PCNX1: variants seen among roughly 807,000 people sequenced by gnomAD.
PCNX1 encodes the protein pecanex-like protein 1.
In PCNX1, 78 loss-of-function variants were observed where a neutral mutation model predicts 242.2. The ratio of observed to expected loss-of-function variants is 0.32; its 90% CI spans 0.27 to 0.39. The LOEUF is 0.39. PCNX1 is among the 10% of genes least tolerant of loss of function. The pLI is 1.00. For missense variants in PCNX1, 2,581 were observed against 2,856.5 expected, an observed-to-expected ratio of 0.90 and a Z score of 2.20; for synonymous variants, 1,024 against 1,032.9, an observed-to-expected ratio of 0.99 and a Z score of 0.17.
chr14:71,050,590 C>T lies in PCNX1; in HGVS notation c.4339-62C>T, dbSNP rs532992442. On this transcript the variant is annotated intron_variant, in intron 22 of 35. Transcript: ENST00000304743. ...ATACATTTTACAGGGTTTTTATTTT[C>T]TAATTCAAATATCTGATAAGTTTTT... 3.3e-5 allele frequency: 48 copies of T among 1,460,050 alleles called. No homozygotes were observed. In the East Asian group the frequency reaches 5.0e-4, roughly 15 times the overall value. The allele number at this position is 1,460,050 out of a possible 1,614,324, so 90.4% of individuals were successfully genotyped here.
chr14:70,955,402 A>G (rs891794153), intron 2 of PCNX1, among the ~76,000 whole-genome samples: 1 of 152,198 alleles, frequency 6.6e-6, no homozygotes, highest in Non-Finnish European at 1.5e-5. Flanking sequence ...ATTTTACTCC[A>G]GATTTACAAA....
intron 5 of PCNX1, among the ~76,000 whole-genome samples, chr14:70,969,619 T>C (rs1289304650): frequency 6.6e-6 from 1 of 152,210 alleles, no homozygotes; most frequent in Non-Finnish European, 1.5e-5. Context: ...TACAGTACCC[T>C]ATCATTGTTT....
At position 70,978,637 on chromosome 14, in the gene PCNX1, C is replaced by G; in HGVS notation, c.2300C>G (p.Ala767Gly). 6.2e-7 allele frequency: 1 copy of G among 1,610,262 alleles called. No homozygotes were observed. The highest frequency in any genetic ancestry group is 8.5e-7 in the Non-Finnish European group (1 of 1,178,150). ...TTTCCTGAAGGGGAAGAGCAAGATG[C>G]AGTCAGTGGAGGTAAGTAAACTGTA... ...VAFPEGEEQDAVSGAAQASEE... is the reference protein window; with the variant it reads ...VAFPEGEEQDGVSGAAQASEE... Residue 767 changes from alanine to glycine, a missense_variant, in exon 6 of 36, where the codon GCA becomes GGA. Coordinates refer to ENST00000304743, the MANE Select transcript of PCNX1 (RefSeq NM_014982.3).
At chr14:70,939,525 A>C (rs1204296122) in intron 1 of PCNX1, among the ~76,000 whole-genome samples, 1 of 152,146 alleles carries the variant, frequency 6.6e-6, no homozygotes, top group African/African-American at 2.4e-5. Context: ...GTTGTTTTAC[A>C]TTTGCTGAGG....
Position 71,057,682 on chromosome 14 carries a change from A to G in PCNX1, c.4810A>G (p.Asn1604Asp). The G allele has an allele frequency of 1.2e-6, 2 of 1,613,966 alleles. No homozygotes were observed. The highest frequency in any genetic ancestry group is 1.7e-6 in the Non-Finnish European group (2 of 1,179,884). ...NALVHLIEIG[N>D]GLVTFQLRGL... ...ATTAGTACACCTTATAGAGATAGGC[A>G]ATGGTCTGGTCACTTTTCAGCTGCG... Residue 1604 changes from asparagine (N) to aspartate (D), a missense_variant, in exon 26 of 36, where the codon AAT (asparagine) becomes GAT (aspartate). Physicochemically the swap from Asn to Asp is conservative, Grantham distance 23. Transcript: ENST00000304743.
At chr14:71,068,795 TG>T (rs1250959285) in intron 26 of PCNX1, among the ~76,000 whole-genome samples, 1 of 147,912 alleles carries the variant, frequency 6.8e-6, no homozygotes, top group African/African-American at 2.5e-5. Flanking sequence ...CATACATATA[TG>T]GATATATACA....
chr14:71,026,953 A>C (rs1328634240), intron 15 of PCNX1, 71 bp downstream of exon 15: 5 of 658,262 alleles, frequency 7.6e-6, no homozygotes. Flanking sequence ...TAAACTGACC[A>C]TTAAAATGCT....
At chr14:71,040,027 G>A (rs1341065148) in intron 19 of PCNX1, among the ~76,000 whole-genome samples, 1 of 152,000 alleles carries the variant, frequency 6.6e-6, no homozygotes, top group African/African-American at 2.4e-5. Flanking sequence ...GCCCAGGCTG[G>A]TCTAGAACTC....
At position 70,978,283 on chromosome 14, in the gene PCNX1, A is replaced by G; in HGVS notation, c.1946A>G (p.His649Arg). 1 of 1,614,150 alleles carries G rather than the reference A, an allele frequency of 6.2e-7. No individual in the cohort carries two copies. The highest frequency in any genetic ancestry group is 8.5e-7 in the Non-Finnish European group (1 of 1,180,024). The change falls in exon 6 of 36, where the codon CAT becomes CGT. Residue 649 changes from histidine (H) to arginine (R), a missense_variant. Around this residue, in one of 9 missense-constraint regions of PCNX1, gnomAD observed 1,204 missense variants for 1,216.7 expected, o/e 0.99. Transcript: ENST00000304743. Reference protein sequence around the residue: ...RYSALKTKHTHKERGTDSEHT... With the variant: ...RYSALKTKHTRKERGTDSEHT... The stretch of plus-strand genomic sequence containing the variant: ...AGTGCTCTAAAGACCAAACACACTC[A>G]TAAAGAAAGGGGCACAGACTCTGAA...
intron 30 of PCNX1, among the ~76,000 whole-genome samples, chr14:71,097,167 GTAT>G (rs2062312111): frequency 1.3e-5 from 2 of 152,130 alleles, no homozygotes; most frequent in Admixed American, 6.5e-5. Context: ...TGGCTGCGTA[GTAT>G]TCCATGGTGT....
Position 70,974,285 on chromosome 14 carries a change from C to T in PCNX1, c.605-2657C>T, listed in dbSNP as rs1159263118. Among the ~76,000 whole-genome samples, 164 of 147,066 alleles carry T rather than the reference C, an allele frequency of 1.1e-3. 4 individuals carry two copies. Among genetic ancestry groups the T allele is most frequent in the Non-Finnish European group, 3.0e-4 (20 of 67,032 alleles). On this transcript the variant is annotated intron_variant, in intron 5 of 35. Transcript: ENST00000304743. ...TTGAGAGGGAGTCTCGCTCTGTTGCCCAGGATGGAGTGTGCAGTGGTGTAT... is the reference window on the plus strand; with the variant it reads ...TTGAGAGGGAGTCTCGCTCTGTTGCTCAGGATGGAGTGTGCAGTGGTGTAT...
chr14:71,053,366 G>A lies in PCNX1; in HGVS notation c.4577+1354G>A, dbSNP rs558573755. The stretch of plus-strand genomic sequence containing the variant: ...CGACTCACTGCAACCTCCGCCTCCC[G>A]GAGTGCAATGGCGCCATCTTGATTC... On this transcript the variant is annotated intron_variant, in intron 24 of 35. Transcript: ENST00000304743. 474 of 432,670 alleles carry A rather than the reference G, an allele frequency of 1.1e-3. 2 individuals carry two copies. The highest frequency in any genetic ancestry group is 1.8e-3 in the Non-Finnish European group (388 of 219,418). The allele number at this position is 432,670 out of a possible 1,614,324, so 26.8% of individuals were successfully genotyped here.
Position 70,988,696 on chromosome 14 carries a change from T to C in PCNX1, c.2441T>C (p.Leu814Pro). ...CCTACATTGCTCATCGGATCACCCC[T>C]AAGGTATGGTATTTTCAATTCCACC... ...TPPTLLIGSPLSLQDGQQGQQ... is the reference protein window; with the variant it reads ...TPPTLLIGSPPSLQDGQQGQQ... Residue 814 changes from leucine (L) to proline (P), a missense_variant, in exon 7 of 36, where the codon CTA becomes CCA. By Grantham distance (98) the Leu-to-Pro change is moderately conservative. Coordinates refer to ENST00000304743, the MANE Select transcript of PCNX1 (RefSeq NM_014982.3). The C allele has an allele frequency of 6.2e-7, 1 of 1,611,822 alleles. No homozygotes were observed. The highest frequency in any genetic ancestry group is 1.1e-5 in the South Asian group (1 of 91,002).
At chr14:70,987,319 C>T (rs922122838) in intron 6 of PCNX1, among the ~76,000 whole-genome samples, 2 of 152,172 alleles carry the variant, frequency 1.3e-5, no homozygotes, top group African/African-American at 4.8e-5. Context: ...AGCAACGGAG[C>T]ACTTGAAGTA....
chr14:71,089,651 G>A (rs996176405), intron 30 of PCNX1, among the ~76,000 whole-genome samples: 1 of 152,154 alleles, frequency 6.6e-6, no homozygotes, highest in African/African-American at 2.4e-5. Flanking sequence ...GCTATCATGA[G>A]AACAGCAGCA....
chr14:71,062,542 GA>G (rs1200991076), intron 26 of PCNX1, among the ~76,000 whole-genome samples: 3 of 150,980 alleles, frequency 2.0e-5, no homozygotes, highest in African/African-American at 7.3e-5. Flanking sequence ...AGGATATAAG[GA>G]AAAAATATTT....
At chr14:70,932,907 C>T (rs79754574) in intron 1 of PCNX1, among the ~76,000 whole-genome samples, 6 of 152,056 alleles carry the variant, frequency 3.9e-5, no homozygotes, top group Non-Finnish European at 8.8e-5. Flanking sequence ...CCACCACGCC[C>T]GGCCAAGAAG....
At chr14:70,972,412 AAAC>A (rs1376331248) in intron 5 of PCNX1, among the ~76,000 whole-genome samples, 2 of 152,202 alleles carry the variant, frequency 1.3e-5, no homozygotes, top group Admixed American at 1.3e-4. Context: ...GGATAAATAA[AAAC>A]AACAACAAAA....
intron 1 of PCNX1, among the ~76,000 whole-genome samples, chr14:70,931,353 T>C (rs2056792248): frequency 6.6e-6 from 1 of 152,356 alleles, no homozygotes; most frequent in African/African-American, 2.4e-5. Context: ...TTTTTCCCAT[T>C]AGTAATTTGC....
Sources: gnomAD v4.1 joint callset for allele counts (sites outside exome capture counted in the v4.1 genomes callset) on GRCh38, gnomAD v4.1.1 for gene constraint, gnomAD v4.1.1 regional missense constraint, MANE v1.5 for transcripts, NCBI Gene and HGNC (gene_info 2026-07-23, HGNC 2026-07-21) for gene names.